CYTH3: variants seen among roughly 807,000 people sequenced by gnomAD.
CYTH3 encodes the protein cytohesin 3, also known as cytohesin-3.
A neutral mutation model predicts 55.1 loss-of-function variants in CYTH3; 23 were observed. The ratio of observed to expected loss-of-function variants is 0.42; its 90% CI spans 0.30 to 0.59. The LOEUF (loss-of-function observed/expected upper bound fraction) is 0.59, where lower values mean the gene tolerates loss of function less well. CYTH3 is among the 20% of genes least tolerant of loss of function. The pLI is 0.20. For missense variants in CYTH3, 413 were observed against 524.8 expected (o/e 0.79, Z 2.08); for synonymous variants, 249 against 194.9 (o/e 1.28, Z -2.31).
rs533404237 is a variant in CYTH3 at position 6,246,092 on chromosome 7, A to T, written c.34+26382T>A. On this transcript the variant is annotated intron_variant, in intron 1 of 12. Coordinates refer to ENST00000350796, the MANE Select transcript of CYTH3 (RefSeq NM_004227.4). Reference sequence around the variant, plus strand: ...TAAATAATTTTTAATTTTTTTTTTTAACTTTTTTGAGACAGTCTTGCTCTG... The same window carrying T: ...TAAATAATTTTTAATTTTTTTTTTTTACTTTTTTGAGACAGTCTTGCTCTG... Among the ~76,000 whole-genome samples the T allele has an allele frequency of 1.5e-3, 231 of 151,572 alleles. 2 individuals are homozygous for T. The highest frequency in any genetic ancestry group is 5.3e-3 in the African/African-American group (221 of 41,358).
At chr7:6,204,648 G>C (rs757000966) in intron 1 of CYTH3, among the ~76,000 whole-genome samples, 10 of 152,230 alleles carry the variant, frequency 6.6e-5, no homozygotes, top group Non-Finnish European at 1.2e-4. Context: ...ATGGTTGCAG[G>C]AGTTGCCTAG....
intron 1 of CYTH3, among the ~76,000 whole-genome samples, chr7:6,233,590 A>T (rs1349418707): frequency 1.4e-5 from 2 of 147,172 alleles, no homozygotes; most frequent in Non-Finnish European, 3.0e-5. Flanking sequence ...CAGGAGGCAG[A>T]GGTTGCAGTG....
At chr7:6,177,599 C>T (rs903317174) in intron 5 of CYTH3, among the ~76,000 whole-genome samples, 10 of 152,350 alleles carry the variant, frequency 6.6e-5, no homozygotes, top group African/African-American at 1.9e-4. Context: ...CCAGAGGAGT[C>T]CCAGGATCCC....
intron 10 of CYTH3, 24 bp from the exon 11 acceptor site, chr7:6,165,640 G>A: frequency 6.2e-7 from 1 of 1,613,216 alleles, no homozygotes; most frequent in South Asian, 1.1e-5. Flanking sequence ...GTACACGGCG[G>A]GGCTCACTGT....
At chr7:6,197,477 G>A (rs1783961922) in intron 1 of CYTH3, among the ~76,000 whole-genome samples, 1 of 152,170 alleles carries the variant, frequency 6.6e-6, no homozygotes, top group South Asian at 2.1e-4. Context: ...AAGGTCAGCA[G>A]CTCCAGACCA....
chr7:6,180,174 G>A (rs962551032), intron 4 of CYTH3, among the ~76,000 whole-genome samples: 1 of 152,200 alleles, frequency 6.6e-6, no homozygotes, highest in Non-Finnish European at 1.5e-5. Flanking sequence ...CTACAGGGCT[G>A]GGGGCCTGAC....
At chr7:6,194,827 T>C (rs888859665) in intron 1 of CYTH3, among the ~76,000 whole-genome samples, 2 of 151,882 alleles carry the variant, frequency 1.3e-5, no homozygotes, top group Non-Finnish European at 2.9e-5. Flanking sequence ...ATACAAAAAT[T>C]AGCTGGGTGC....
chr7:6,230,846 T>C (rs1351214253), intron 1 of CYTH3, among the ~76,000 whole-genome samples: 1 of 152,236 alleles, frequency 6.6e-6, no homozygotes, highest in Non-Finnish European at 1.5e-5. Flanking sequence ...GGTAGGATTA[T>C]AGGTAATGTT....
intron 5 of CYTH3, among the ~76,000 whole-genome samples, chr7:6,175,456 G>T (rs554550482): frequency 2.0e-5 from 3 of 150,488 alleles, no homozygotes; most frequent in East Asian, 4.0e-4. Flanking sequence ...TAATGTGAGG[G>T]TTTATTTCTG....
At chr7:6,195,173 G>T (rs1283051502) in intron 1 of CYTH3, among the ~76,000 whole-genome samples, 1 of 151,980 alleles carries the variant, frequency 6.6e-6, no homozygotes, top group Non-Finnish European at 1.5e-5. Flanking sequence ...ATTTTCAAGG[G>T]TACTGTAGGT....
intron 12 of CYTH3, 128 bp from the exon 13 acceptor site, chr7:6,165,144 G>A (rs1006179604): frequency 7.1e-6 from 11 of 1,552,854 alleles, no homozygotes; most frequent in East Asian, 2.3e-5. Flanking sequence ...TTGGCAGCCC[G>A]GCCCTCTGGG....
intron 1 of CYTH3, among the ~76,000 whole-genome samples, chr7:6,248,468 A>G (rs1363823144): frequency 6.6e-6 from 1 of 152,096 alleles, no homozygotes; most frequent in Non-Finnish European, 1.5e-5. Context: ...TAGTTTCTGC[A>G]TCTAACTCTC....
At chr7:6,222,562 C>A (rs568654970) in intron 1 of CYTH3, among the ~76,000 whole-genome samples, 1 of 152,084 alleles carries the variant, frequency 6.6e-6, no homozygotes, top group South Asian at 2.1e-4. Flanking sequence ...CTGGTTAATA[C>A]AGTGAAACCC....
chr7:6,226,204 A>G (rs1246391611), intron 1 of CYTH3, among the ~76,000 whole-genome samples: 1 of 152,168 alleles, frequency 6.6e-6, no homozygotes, highest in East Asian at 1.9e-4. Context: ...AGGTCTCCCT[A>G]AAGATCCAGA....
intron 1 of CYTH3, among the ~76,000 whole-genome samples, chr7:6,199,019 T>C (rs550959140): frequency 6.6e-6 from 1 of 152,366 alleles, no homozygotes; most frequent in Admixed American, 6.5e-5. Flanking sequence ...TCAACATTCT[T>C]ACTCTAATTC....
rs1457271089 is a variant in CYTH3, at chr7:6,245,513, C to T, written c.34+26961G>A. 3.3e-5 allele frequency among the ~76,000 whole-genome samples: 5 copies of T among 152,242 alleles called. No homozygotes were observed. In the East Asian group the frequency reaches 5.8e-4, roughly 18 times the overall value. On this transcript the variant is annotated intron_variant, in intron 1 of 12. Transcript: ENST00000350796. ...TGCACCCTAGAGAGAATGTGTCCAG[C>T]GGGAGCAGGCTTCTTCCCTACTTTC...
chr7:6,168,563 TA>T (rs1221228722), intron 9 of CYTH3, among the ~76,000 whole-genome samples: 1 of 152,074 alleles, frequency 6.6e-6, no homozygotes, highest in East Asian at 1.9e-4. Flanking sequence ...AGCCAGCCCC[TA>T]GAGCAGCAGG....
At chr7:6,255,584 G>A (rs992186230) in intron 1 of CYTH3, among the ~76,000 whole-genome samples, 21 of 152,070 alleles carry the variant, frequency 1.4e-4, no homozygotes, top group Admixed American at 1.4e-3. Flanking sequence ...CCACAGCACT[G>A]CAGTAGTCCT....
chr7:6,205,397 A>G (rs776932422), intron 1 of CYTH3, among the ~76,000 whole-genome samples: 1 of 151,872 alleles, frequency 6.6e-6, no homozygotes, highest in Non-Finnish European at 1.5e-5. Flanking sequence ...ACATGGTAAA[A>G]CCCCATCTCT....
Sources: gnomAD v4.1 joint callset for allele counts (sites outside exome capture counted in the v4.1 genomes callset) on GRCh38, gnomAD v4.1.1 for gene constraint, MANE v1.5 for transcripts, NCBI Gene and HGNC (gene_info 2026-07-23, HGNC 2026-07-21) for gene names.